Variants in PCNX2 observed in about 807,000 individuals in gnomAD.
The protein encoded by PCNX2 is pecanex 2.
In PCNX2, 168 loss-of-function variants were observed where a neutral mutation model predicts 223.8. The observed-to-expected ratio is 0.75, with a 90% CI of 0.66 to 0.85. The LOEUF is 0.85. Ranked by LOEUF, PCNX2 falls within the 40% of genes least tolerant of loss-of-function variation. The pLI is 0.00. For missense variants in PCNX2, 2,507 were observed against 2,675.5 expected (o/e 0.94, Z 1.39); for synonymous variants, 1,006 against 1,052.6 (o/e 0.96, Z 0.86).
At chr1:233,019,986 C>T (rs1670823713) in intron 26 of PCNX2, among the ~76,000 whole-genome samples, 1 of 152,286 alleles carries the variant, frequency 6.6e-6, no homozygotes, top group African/African-American at 2.4e-5. Flanking sequence ...CTCTAGTGAA[C>T]AGCTGGTCTA....
intron 25 of PCNX2, chr1:233,031,644 T>C (rs1671268197): frequency 3.4e-6 from 2 of 588,122 alleles, no homozygotes; most frequent in Middle Eastern, 8.7e-4. Context: ...GTCTATGAAA[T>C]AGGAGTCCAG....
At chr1:233,019,276 C>A in intron 26 of PCNX2, 6 of 880,970 alleles carry the variant, frequency 6.8e-6, no homozygotes, top group Non-Finnish European at 8.2e-6. Context: ...CCACAGTCTA[C>A]CTGTCCCAAA....
chr1:233,195,243 A>G (rs1680659628), intron 15 of PCNX2, among the ~76,000 whole-genome samples: 1 of 152,164 alleles, frequency 6.6e-6, no homozygotes, highest in Non-Finnish European at 1.5e-5. Context: ...ATAGATGCAG[A>G]AAAAAAGTGA....
chr1:233,033,189 T>A (rs925034649), intron 25 of PCNX2: 2 of 985,334 alleles, frequency 2.0e-6, no homozygotes, highest in African/African-American at 3.5e-5. Context: ...GTGTTTGCAC[T>A]GTCACACCTT....
intron 28 of PCNX2, among the ~76,000 whole-genome samples, chr1:233,002,764 G>A (rs1167055090): frequency 6.6e-6 from 1 of 152,136 alleles, no homozygotes; most frequent in Non-Finnish European, 1.5e-5. Flanking sequence ...ATACTACAAG[G>A]CTACAGTAAC....
At chr1:233,248,875 C>T (rs979622233) in intron 8 of PCNX2, among the ~76,000 whole-genome samples, 43 of 152,150 alleles carry the variant, frequency 2.8e-4, no homozygotes, top group African/African-American at 1.0e-3. Flanking sequence ...CACCAAAAGC[C>T]GTTTCACCAA....
chr1:233,132,077 C>T (rs1676537261), intron 21 of PCNX2, among the ~76,000 whole-genome samples: 1 of 152,010 alleles, frequency 6.6e-6, no homozygotes, highest in African/African-American at 2.4e-5. Flanking sequence ...GCTGGGATTA[C>T]AGGCACCCGC....
At chr1:233,212,510 C>A (rs1046270406) in intron 12 of PCNX2, among the ~76,000 whole-genome samples, 7 of 152,334 alleles carry the variant, frequency 4.6e-5, no homozygotes, top group African/African-American at 1.4e-4. Context: ...TCGTAACTTT[C>A]AGATCTGTGA....
chr1:233,286,019 G>A (rs1469870960), intron 1 of PCNX2, among the ~76,000 whole-genome samples: 1 of 152,176 alleles, frequency 6.6e-6, no homozygotes, highest in East Asian at 1.9e-4. Context: ...AGGAACCAAG[G>A]TAGGATGGAT....
chr1:233,280,831 T>C (rs1661158341), intron 1 of PCNX2, among the ~76,000 whole-genome samples: 1 of 152,254 alleles, frequency 6.6e-6, no homozygotes, highest in Non-Finnish European at 1.5e-5. Context: ...ATTTAGCCTT[T>C]GTAAATCTGT....
chr1:233,177,639 C>T (rs559032813), intron 17 of PCNX2, among the ~76,000 whole-genome samples, 163 bp downstream of exon 17: 366 of 152,316 alleles, frequency 2.4e-3, no homozygotes, highest in Non-Finnish European at 3.8e-3. Context: ...TAGGGCTGCA[C>T]CTGGCAGGCA....
At chr1:233,039,360 C>T (rs1671566487) in intron 25 of PCNX2, among the ~76,000 whole-genome samples, 1 of 152,158 alleles carries the variant, frequency 6.6e-6, no homozygotes, top group Non-Finnish European at 1.5e-5. Flanking sequence ...ACTGTGTGGC[C>T]ATGGGCACCT....
chr1:233,265,988 C>T (rs1177328192), intron 1 of PCNX2, among the ~76,000 whole-genome samples: 2 of 152,148 alleles, frequency 1.3e-5, no homozygotes, highest in Admixed American at 1.3e-4. Flanking sequence ...TTTGAAGTTA[C>T]CATGAGTACT....
chr1:233,025,805 T>C (rs1211677979), intron 25 of PCNX2, among the ~76,000 whole-genome samples: 1 of 152,202 alleles, frequency 6.6e-6, no homozygotes, highest in Non-Finnish European at 1.5e-5. Context: ...AAACAGGCTA[T>C]TGTAAGGATG....
intron 1 of PCNX2, among the ~76,000 whole-genome samples, chr1:233,275,222 T>C (rs577577492): frequency 3.3e-5 from 5 of 152,166 alleles, no homozygotes; most frequent in Admixed American, 6.5e-5. Flanking sequence ...TACTGTCTCT[T>C]TGATGGAGTC....
In PCNX2 at chr1:233,262,145, T is replaced by C. The variant is rs774376296; in HGVS notation, c.380A>G (p.Asn127Ser). 14 of 1,613,654 alleles carry C rather than the reference T, an allele frequency of 8.7e-6. No individual in the cohort carries two copies. Among genetic ancestry groups the C allele is most frequent in the African/African-American group, 1.3e-5 (1 of 74,900 alleles). Residue 127 changes from asparagine to serine, a missense_variant, in exon 3 of 34, where the codon AAT becomes AGT. Coordinates refer to ENST00000258229, the MANE Select transcript of PCNX2 (RefSeq NM_014801.4). ...RNPSNNRQIH[N>S]GKKEEASRNL... ...TCGACTGGCCTCTTCCTTTTTGCCA[T>C]TGTGAATCTGCCTATTATTGCTAAC...
chr1:233,258,018 G>A lies in PCNX2; in HGVS notation c.1834+10C>T. 1 of 1,605,938 alleles carries A rather than the reference G, an allele frequency of 6.2e-7. No homozygotes were observed. The highest frequency in any genetic ancestry group is 1.1e-5 in the South Asian group (1 of 90,676). ...GTCATCATCAGAACGGAAATGACAT[G>A]GAATCGCACCTCGGAGAAGCCCACT... On this transcript the variant is annotated intron_variant, in intron 5 of 33. Coordinates refer to ENST00000258229, the MANE Select transcript of PCNX2 (RefSeq NM_014801.4).
At chr1:233,199,843 C>T (rs1680956753) in intron 14 of PCNX2, among the ~76,000 whole-genome samples, 1 of 152,060 alleles carries the variant, frequency 6.6e-6, no homozygotes, top group African/African-American at 2.4e-5. Flanking sequence ...CACACATGCT[C>T]ACACACATTC....
intron 21 of PCNX2, 126 bp downstream of exon 21, chr1:233,134,887 G>T: frequency 1.3e-6 from 1 of 799,918 alleles, no homozygotes; most frequent in Non-Finnish European, 2.0e-6. Flanking sequence ...TAACATACAT[G>T]TATAATTCAA....
Sources: allele counts gnomAD v4.1 joint callset (sites outside exome capture counted in the v4.1 genomes callset), GRCh38; gene constraint gnomAD v4.1.1; transcripts MANE v1.5; gene names NCBI Gene and HGNC (gene_info 2026-07-23, HGNC 2026-07-21).